NFIC: variants seen among roughly 807,000 people sequenced by gnomAD.
NFIC encodes nuclear factor 1 C-type.
NFIC carries 12 observed loss-of-function variants against 54.4 expected under a neutral mutation model. The observed-to-expected ratio is 0.22, with a 90% CI of 0.14 to 0.36. The LOEUF is 0.36. Among genes scored for constraint, NFIC ranks in the 10% least tolerant of loss-of-function variants. The pLI, the probability that NFIC is intolerant of heterozygous loss-of-function variation, is 1.00. For missense variants in NFIC, 575 were observed against 718.2 expected (o/e 0.80, Z 2.28); for synonymous variants, 322 against 319.2 (o/e 1.01, Z -0.09).
intron 2 of NFIC, among the ~76,000 whole-genome samples, chr19:3,409,895 G>A (rs904423952): frequency 9.9e-5 from 15 of 152,234 alleles, no homozygotes; most frequent in Admixed American, 9.2e-4. Flanking sequence ...CTCCCGGCCA[G>A]ATGAGGGTAT....
chr19:3,468,644 T>G lies in NFIC; in HGVS notation c.*5875T>G, dbSNP rs985583004. The stretch of plus-strand genomic sequence containing the variant: ...ATTTTCCTTTGGGTTTTTTTTTTCT[T>G]TCTTTTTTCTCCCCTTTACTCTTTG... On this transcript the variant is annotated 3_prime_UTR_variant, in exon 11 of 11. Coordinates refer to ENST00000443272, the MANE Select transcript of NFIC (RefSeq NM_001245002.2). 2.5e-4 allele frequency: 38 copies of G among 152,208 alleles called. 1 individual carries two copies. Among genetic ancestry groups the G allele is most frequent in the African/African-American group, 8.2e-4 (34 of 41,540 alleles). 9.4% of individuals were successfully genotyped at this position (152,208 alleles called of 1,614,324 possible).
At chr19:3,441,769 G>T (rs1285638440) in intron 6 of NFIC, among the ~76,000 whole-genome samples, 1 of 152,168 alleles carries the variant, frequency 6.6e-6, no homozygotes, top group Non-Finnish European at 1.5e-5. Flanking sequence ...TCCCAAGCCG[G>T]GTGCCTCCGC....
At chr19:3,389,855 A>G (rs1214932781) in intron 2 of NFIC, among the ~76,000 whole-genome samples, 3 of 152,282 alleles carry the variant, frequency 2.0e-5, no homozygotes, top group East Asian at 3.9e-4. Flanking sequence ...GTGGTGGTGC[A>G]TGCCTGTAAT....
intron 2 of NFIC, among the ~76,000 whole-genome samples, chr19:3,385,210 C>T (rs1599587140): frequency 6.6e-6 from 1 of 151,542 alleles, no homozygotes; most frequent in Admixed American, 6.6e-5. Flanking sequence ...CACCCCCCCC[C>T]AACCCTCCCA....
At chr19:3,445,339 C>T (rs1256201487) in intron 6 of NFIC, among the ~76,000 whole-genome samples, 1 of 152,200 alleles carries the variant, frequency 6.6e-6, no homozygotes, top group African/African-American at 2.4e-5. Flanking sequence ...GCTGCTGGGG[C>T]CCAGCTTGGT....
In NFIC at chr19:3,464,030, C is replaced by A. The variant is rs373175985; in HGVS notation, c.*1261C>A. 1.0e-6 allele frequency: 1 copy of A among 985,394 alleles called. No individual in the cohort carries two copies. Among genetic ancestry groups the A allele is most frequent in the East Asian group, 1.1e-4 (1 of 8,770 alleles). The allele number at this position is 985,394 out of a possible 1,614,324, so 61.0% of individuals were successfully genotyped here. On this transcript the variant is annotated 3_prime_UTR_variant, in exon 11 of 11. Coordinates refer to ENST00000443272, the MANE Select transcript of NFIC (RefSeq NM_001245002.2). ...GAGCTGGGCGTCACTTCGCAAGCGTCCTGCCCTGCCGGGGCGCGGGGGTGG... is the reference window on the plus strand; with the variant it reads ...GAGCTGGGCGTCACTTCGCAAGCGTACTGCCCTGCCGGGGCGCGGGGGTGG...
chr19:3,435,823 C>G (rs2082192652), intron 6 of NFIC, among the ~76,000 whole-genome samples: 1 of 151,748 alleles, frequency 6.6e-6, no homozygotes, highest in South Asian at 2.1e-4. Context: ...TTCTTTCTTT[C>G]TTTCTTTCTT....
intron 2 of NFIC, among the ~76,000 whole-genome samples, chr19:3,418,566 G>A (rs1442686148): frequency 1.3e-5 from 2 of 152,040 alleles, no homozygotes; most frequent in Non-Finnish European, 2.9e-5. Context: ...AAAATGAGAC[G>A]GCTGGCCGGG....
chr19:3,414,102 T>C (rs2081810161), intron 2 of NFIC, among the ~76,000 whole-genome samples: 1 of 152,108 alleles, frequency 6.6e-6, no homozygotes, highest in South Asian at 2.1e-4. Flanking sequence ...AAAGAACTAA[T>C]GGCAACATAG....
At chr19:3,445,243 G>A (rs369093288) in intron 6 of NFIC, among the ~76,000 whole-genome samples, 10 of 152,280 alleles carry the variant, frequency 6.6e-5, no homozygotes, top group Non-Finnish European at 1.5e-4. Flanking sequence ...GCACACACAC[G>A]TGCCGACAAG....
At chr19:3,431,918 G>A (rs2082126367) in intron 3 of NFIC, among the ~76,000 whole-genome samples, 1 of 152,198 alleles carries the variant, frequency 6.6e-6, no homozygotes, top group African/African-American at 2.4e-5. Context: ...GGTGAACAGT[G>A]CTGCTAGGAA....
At chr19:3,399,087 C>G (rs1650375545) in intron 2 of NFIC, among the ~76,000 whole-genome samples, 1 of 152,246 alleles carries the variant, frequency 6.6e-6, no homozygotes, top group African/African-American at 2.4e-5. Context: ...GTCCCTGTCT[C>G]TGAGCCTCAG....
intron 2 of NFIC, among the ~76,000 whole-genome samples, chr19:3,395,531 A>G (rs112872308): frequency 8.0e-5 from 11 of 137,264 alleles, no homozygotes; most frequent in Admixed American, 3.0e-4. Flanking sequence ...AGGTCTCACT[A>G]TGTTGCCCAG....
At chr19:3,434,206 C>G in intron 4 of NFIC, 71 bp from the exon 5 acceptor site, 2 of 1,533,166 alleles carry the variant, frequency 1.3e-6, no homozygotes, top group Non-Finnish European at 1.7e-6. Flanking sequence ...GTGGCTTTCC[C>G]TACCTCTCTA....
intron 1 of NFIC, among the ~76,000 whole-genome samples, chr19:3,376,537 G>A (rs535270690): frequency 2.6e-5 from 4 of 150,972 alleles, no homozygotes; most frequent in South Asian, 2.1e-4. Context: ...GTTTGAGACC[G>A]GCCAAGGCAA....
intron 1 of NFIC, among the ~76,000 whole-genome samples, chr19:3,360,805 G>A (rs929882190): frequency 6.6e-6 from 1 of 152,236 alleles, no homozygotes. Flanking sequence ...GTGTCCCTGG[G>A]TGACCGTGGG....
At chr19:3,396,426 C>T (rs552411356) in intron 2 of NFIC, among the ~76,000 whole-genome samples, 1 of 147,958 alleles carries the variant, frequency 6.8e-6, no homozygotes, top group African/African-American at 2.5e-5. Flanking sequence ...GAGCTGAGAT[C>T]GTGCCACTGC....
At chr19:3,443,470 GA>G (rs746886392) in intron 6 of NFIC, among the ~76,000 whole-genome samples, 2 of 151,760 alleles carry the variant, frequency 1.3e-5, no homozygotes, top group East Asian at 3.9e-4. Context: ...GCTCACAACG[GA>G]ATAAACTCCT....
chr19:3,405,165 A>C (rs992651984), intron 2 of NFIC, among the ~76,000 whole-genome samples: 14 of 152,146 alleles, frequency 9.2e-5, no homozygotes, highest in African/African-American at 3.4e-4. Context: ...GGGGAGAGGG[A>C]GATGGAAAGT....
Sources: gnomAD v4.1 joint callset for allele counts (sites outside exome capture counted in the v4.1 genomes callset) on GRCh38, gnomAD v4.1.1 for gene constraint, MANE v1.5 for transcripts, NCBI Gene and HGNC (gene_info 2026-07-23, HGNC 2026-07-21) for gene names.